LRRC53: variants seen among roughly 807,000 people sequenced by gnomAD.
LRRC53 encodes the protein leucine-rich repeat-containing protein 53.
A neutral mutation model predicts 13.6 loss-of-function variants in LRRC53; 25 were observed. The ratio of observed to expected loss-of-function variants is 1.83; its 90% CI spans 1.34 to 2.56. The LOEUF is 2.56. Ranked by LOEUF, LRRC53 falls within the 30% of genes most tolerant of loss-of-function variation. The probability of loss-of-function intolerance (pLI) is 0.00; values close to 1 mark genes in which losing one functional copy is unlikely to be tolerated. For synonymous variants in LRRC53, 204 were observed against 109.8 expected (o/e 1.86, Z -5.37); for missense variants, 527 against 275.8 (o/e 1.91, Z -6.45).
chr1:74,498,861 A>AT (rs1427984730), intron 1 of LRRC53, among the ~76,000 whole-genome samples: 5 of 152,210 alleles, frequency 3.3e-5, no homozygotes, highest in Admixed American at 6.5e-5. Flanking sequence ...TTTAAAAAAA[A>AT]TTTTAATATT....
At chr1:74,524,554 C>T in the LRRC53 span, among the ~76,000 whole-genome samples, 2 of 152,126 alleles carry the variant, frequency 1.3e-5, no homozygotes, top group Admixed American at 6.6e-5. Flanking sequence ...GAATGATGCT[C>T]ATAAAAGATT....
chr1:74,523,823 G>A, the LRRC53 span, among the ~76,000 whole-genome samples: 5 of 152,244 alleles, frequency 3.3e-5, no homozygotes, highest in Non-Finnish European at 7.3e-5. Context: ...TGTGCAGAAC[G>A]TGCAGGTTTG....
chr1:74,495,871 C>T (rs1003934949), intron 1 of LRRC53, among the ~76,000 whole-genome samples: 1 of 152,130 alleles, frequency 6.6e-6, no homozygotes, highest in African/African-American at 2.4e-5. Flanking sequence ...TCTCCCAAGC[C>T]TGCCTTTTCA....
At chr1:74,489,301 G>T in intron 1 of LRRC53, 1 of 1,570,308 alleles carries the variant, frequency 6.4e-7, no homozygotes, top group Non-Finnish European at 8.7e-7. Flanking sequence ...GCATATCCAA[G>T]GCTGTCAGGG....
At chr1:74,506,744 G>A (rs1669923002) in intron 1 of LRRC53, among the ~76,000 whole-genome samples, 1 of 152,096 alleles carries the variant, frequency 6.6e-6, no homozygotes, top group Non-Finnish European at 1.5e-5. Flanking sequence ...GGACCTTTTA[G>A]TTTTAGTGTA....
At chr1:74,534,595 C>T in the LRRC53 span, among the ~76,000 whole-genome samples, 1 of 152,178 alleles carries the variant, frequency 6.6e-6, no homozygotes, top group South Asian at 2.1e-4. Context: ...CAGAATCTCC[C>T]AGTCTCTTCA....
chr1:74,472,071 G>A lies in LRRC53; in HGVS notation c.1551C>T (p.His517=). The change falls in exon 5 of 5, where the codon CAC becomes CAT. Residue 517 remains histidine (H), a synonymous_variant. Coordinates refer to ENST00000294635, the MANE Select transcript of LRRC53 (RefSeq NM_001382280.1). ...PPIEKEDNGL[H]PHRQRHFITS... ...TAATAAAATGTCTTTGCCTATGAGG[G>A]TGTAAGCCATTGTCTTCTTTTTCTA... 1 of 716,926 alleles carries A rather than the reference G, an allele frequency of 1.4e-6. No homozygotes were observed. The highest frequency in any genetic ancestry group is 1.5e-5 in the South Asian group (1 of 67,524). The allele number at this position is 716,926 out of a possible 1,614,324, so 44.4% of individuals were successfully genotyped here.
the LRRC53 span, among the ~76,000 whole-genome samples, chr1:74,529,286 C>G: frequency 6.6e-6 from 1 of 152,058 alleles, no homozygotes; most frequent in Non-Finnish European, 1.5e-5. Context: ...TGATGGGACA[C>G]AATGAAAGAA....
chr1:74,535,955 CA>C, the LRRC53 span, among the ~76,000 whole-genome samples: 1 of 151,996 alleles, frequency 6.6e-6, no homozygotes, highest in Admixed American at 6.6e-5. Flanking sequence ...TTATCTTCAT[CA>C]AAAAAATAAT....
the LRRC53 span, among the ~76,000 whole-genome samples, chr1:74,524,756 T>TA: frequency 0.023 from 3,198 of 137,334 alleles, 94 homozygotes; most frequent in African/African-American, 0.076. Flanking sequence ...TTTAAAAAAG[T>TA]AAAAAAAAAA....
chr1:74,528,312 T>C, the LRRC53 span, among the ~76,000 whole-genome samples: 2 of 151,926 alleles, frequency 1.3e-5, no homozygotes, highest in Admixed American at 6.6e-5. Context: ...GGGCATGGCA[T>C]AGGGACATAG....
At chr1:74,495,889 T>C (rs2100320818) in intron 1 of LRRC53, among the ~76,000 whole-genome samples, 1 of 152,296 alleles carries the variant, frequency 6.6e-6, no homozygotes, top group Non-Finnish European at 1.5e-5. Flanking sequence ...TCAGCTTGTG[T>C]ATATGAAGGC....
At chr1:74,529,319 G>A in the LRRC53 span, among the ~76,000 whole-genome samples, 2 of 152,104 alleles carry the variant, frequency 1.3e-5, no homozygotes, top group Non-Finnish European at 2.9e-5. Flanking sequence ...CTGTGATACT[G>A]CCCTCCAAAG....
At chr1:74,526,497 G>A in the LRRC53 span, among the ~76,000 whole-genome samples, 2 of 152,142 alleles carry the variant, frequency 1.3e-5, no homozygotes, top group African/African-American at 4.8e-5. Context: ...GGCCAAGTTA[G>A]TTGAGCTCTC....
At chr1:74,533,388 C>T in the LRRC53 span, among the ~76,000 whole-genome samples, 4 of 152,090 alleles carry the variant, frequency 2.6e-5, no homozygotes, top group South Asian at 2.1e-4. Flanking sequence ...GTTAGAATGG[C>T]GATCATTAAA....
chr1:74,480,802 G>T lies in LRRC53; in HGVS notation c.255C>A (p.Thr85=). 1 of 717,560 alleles carries T rather than the reference G, an allele frequency of 1.4e-6. No individual in the cohort carries two copies. The highest frequency in any genetic ancestry group is 2.6e-6 in the Non-Finnish European group (1 of 385,112). 44.4% of individuals were successfully genotyped at this position (717,560 alleles called of 1,614,324 possible). The change falls in exon 3 of 5, where the codon ACC becomes ACA. Residue 85 remains threonine, a synonymous_variant. Coordinates refer to ENST00000294635, the MANE Select transcript of LRRC53 (RefSeq NM_001382280.1). ...DALHGLTMLR[T]LLLEHNQISS... is the part of the protein sequence containing the mutation. ...ATATTTGGTTGTGCTCCAGCAACAAGGTCCGCAACATCGTAAGCCCATGCA... is the reference window on the plus strand; with the variant it reads ...ATATTTGGTTGTGCTCCAGCAACAATGTCCGCAACATCGTAAGCCCATGCA...
At position 74,512,580 on chromosome 1, in the gene LRRC53, GA is replaced by G. The variant is rs1052156406; in HGVS notation, c.-82del. 5.3e-5 allele frequency: 8 copies of G among 152,178 alleles called. No individual in the cohort carries two copies. Among genetic ancestry groups the G allele is most frequent in the African/African-American group, 1.9e-4 (8 of 41,448 alleles). The allele number at this position is 152,178 out of a possible 1,614,324, so 9.4% of individuals were successfully genotyped here. A position where few individuals can be genotyped will look rare whatever the true frequency, so the allele number is the denominator to read the frequency against. On this transcript the variant is annotated 5_prime_UTR_variant, in exon 1 of 5. Coordinates refer to ENST00000294635, the MANE Select transcript of LRRC53 (RefSeq NM_001382280.1). ...ATCTCTACATTAAAAGGTGGATGAT[GA>G]ATCTGAGACCTACTGAGTTAACTGT...
chr1:74,476,042 C>T (rs1464781394), intron 3 of LRRC53, among the ~76,000 whole-genome samples: 1 of 152,090 alleles, frequency 6.6e-6, no homozygotes, highest in Non-Finnish European at 1.5e-5. Context: ...ACAACACCAT[C>T]TGGAATCTCT....
At chr1:74,485,529 C>T (rs540226014) in intron 1 of LRRC53, among the ~76,000 whole-genome samples, 1 of 152,126 alleles carries the variant, frequency 6.6e-6, no homozygotes, top group African/African-American at 2.4e-5. Context: ...TTCCTGTCCC[C>T]TGGTGTACAT....
Sources: gnomAD v4.1 joint callset for allele counts (sites outside exome capture counted in the v4.1 genomes callset) on GRCh38, gnomAD v4.1.1 for gene constraint, MANE v1.5 for transcripts, NCBI Gene and HGNC (gene_info 2026-07-23, HGNC 2026-07-21) for gene names.